The following CAST variants were observed in gnomAD, a reference collection of about 807,000 sequenced individuals.
CAST encodes MIR583 host.
In CAST, 76 loss-of-function variants were observed where a neutral mutation model predicts 119.6. That is an observed-to-expected ratio of 0.64 (90% CI 0.53 to 0.77). CAST has a LOEUF of 0.77. Among genes scored for constraint, CAST ranks in the 30% least tolerant of loss-of-function variants. CAST has a pLI of 0.00. For synonymous variants in CAST, 319 were observed against 331.6 expected, an observed-to-expected ratio of 0.96 and a Z score of 0.41; for missense variants, 953 against 946.5, an observed-to-expected ratio of 1.01 and a Z score of -0.09.
the CAST span, among the ~76,000 whole-genome samples, chr5:96,267,143 A>G: frequency 6.6e-6 from 1 of 152,208 alleles, no homozygotes; most frequent in Non-Finnish European, 1.5e-5. Flanking sequence ...AATAAAAAAG[A>G]ATGCAAAGGA....
chr5:96,264,215 G>A, the CAST span, among the ~76,000 whole-genome samples: 1 of 152,070 alleles, frequency 6.6e-6, no homozygotes, highest in East Asian at 1.9e-4. Context: ...CAAATTAGAG[G>A]GAGTCTTAGC....
the CAST span, among the ~76,000 whole-genome samples, chr5:96,305,356 G>A: frequency 3.9e-5 from 6 of 152,222 alleles, no homozygotes; most frequent in Admixed American, 3.9e-4. Context: ...ATTTGGGGCT[G>A]AGACAATGGG....
At chr5:96,237,757 C>A in the CAST span, among the ~76,000 whole-genome samples, 2 of 151,870 alleles carry the variant, frequency 1.3e-5, no homozygotes, top group Admixed American at 1.3e-4. Flanking sequence ...TTAAAAAAAT[C>A]TACTCTCAAT....
the CAST span, among the ~76,000 whole-genome samples, chr5:96,076,698 T>G: frequency 7.9e-5 from 12 of 152,282 alleles, 1 homozygote; most frequent in East Asian, 2.1e-3. Flanking sequence ...ATTCAATGAA[T>G]TTTTGGAAAC....
the CAST span, among the ~76,000 whole-genome samples, chr5:96,068,485 C>G: frequency 7.9e-5 from 12 of 152,094 alleles, no homozygotes; most frequent in Admixed American, 7.9e-4. Context: ...CCAGCTCCAT[C>G]CATTCATGGA....
the CAST span, among the ~76,000 whole-genome samples, chr5:96,400,494 T>C: frequency 6.6e-6 from 1 of 152,186 alleles, no homozygotes; most frequent in African/African-American, 2.4e-5. Context: ...TCTAATTGCT[T>C]CCATTTAACT....
At chr5:96,325,849 AAATGGGTAGATGGCACC>A in the CAST span, among the ~76,000 whole-genome samples, 1 of 152,238 alleles carries the variant, frequency 6.6e-6, no homozygotes, top group Admixed American at 6.5e-5. Flanking sequence ...AAAATGGCAC[AAATGGGTAGATGGCACC>A]AATGGGTAGA....
At chr5:96,516,829 G>A in the CAST span, among the ~76,000 whole-genome samples, 1 of 152,204 alleles carries the variant, frequency 6.6e-6, no homozygotes, top group South Asian at 2.1e-4. Context: ...AGTGAAATAG[G>A]ATGCTACTGG....
chr5:96,539,461 C>A (rs984992034), intron 1 of CAST, among the ~76,000 whole-genome samples: 1 of 152,092 alleles, frequency 6.6e-6, no homozygotes, highest in South Asian at 2.1e-4. Flanking sequence ...TTCAAACTTC[C>A]TTTCAACTCA....
chr5:95,975,590 T>C, the CAST span, among the ~76,000 whole-genome samples: 2 of 152,340 alleles, frequency 1.3e-5, no homozygotes, highest in African/African-American at 2.4e-5. Context: ...TCAATGATGG[T>C]TGAGCTTCGG....
the CAST span, among the ~76,000 whole-genome samples, chr5:96,465,232 A>C: frequency 1.1e-4 from 16 of 152,090 alleles, no homozygotes; most frequent in Non-Finnish European, 2.4e-4. Flanking sequence ...ATAAAATTGA[A>C]TTTTGTATTT....
At chr5:96,393,130 G>A in the CAST span, 4 of 1,614,128 alleles carry the variant, frequency 2.5e-6, no homozygotes, top group Non-Finnish European at 3.4e-6. Context: ...CTTTAAGCTG[G>A]GAAGGTTTGT....
the CAST span, among the ~76,000 whole-genome samples, chr5:96,291,525 G>A: frequency 7.2e-5 from 11 of 151,882 alleles, no homozygotes; most frequent in Admixed American, 2.0e-4. Flanking sequence ...AATAACTTTA[G>A]TCTTGGTCTT....
the CAST span, among the ~76,000 whole-genome samples, chr5:96,332,426 T>TA: frequency 6.6e-6 from 1 of 152,056 alleles, no homozygotes; most frequent in East Asian, 1.9e-4. Context: ...TTTTTTTTTT[T>TA]ACTTTAGTAA....
the CAST span, chr5:96,079,017 C>A: frequency 4.8e-6 from 2 of 413,938 alleles, no homozygotes; most frequent in East Asian, 7.3e-5. Context: ...ATGAAATAAT[C>A]TGTACAACAA....
intron 3 of CAST, among the ~76,000 whole-genome samples, chr5:96,701,217 C>A (rs1000864563): frequency 2.0e-5 from 3 of 152,020 alleles, no homozygotes; most frequent in South Asian, 4.1e-4. Context: ...CATGAGCCAC[C>A]ATGCCTGGCC....
chr5:96,082,376 C>T, the CAST span, among the ~76,000 whole-genome samples: 1 of 152,160 alleles, frequency 6.6e-6, no homozygotes, highest in Non-Finnish European at 1.5e-5. Flanking sequence ...TAATTATCTC[C>T]ATTTTGCAGC....
the CAST span, among the ~76,000 whole-genome samples, chr5:96,175,557 A>T: frequency 2.5e-3 from 382 of 152,362 alleles, 1 homozygote; most frequent in South Asian, 0.015. Context: ...CATGTAATTT[A>T]GATGGTAAAC....
intron 2 of CAST, among the ~76,000 whole-genome samples, chr5:96,682,837 AG>A (rs1751608931): frequency 6.6e-6 from 1 of 152,158 alleles, no homozygotes; most frequent in Non-Finnish European, 1.5e-5. Context: ...AATGAGATGC[AG>A]GGAATAACTC....
Sources: gnomAD v4.1 joint callset for allele counts (sites outside exome capture counted in the v4.1 genomes callset) on GRCh38, gnomAD v4.1.1 for gene constraint, MANE v1.5 for transcripts, NCBI Gene and HGNC (gene_info 2026-07-23, HGNC 2026-07-21) for gene names.